UGP2: variants seen among roughly 807,000 people sequenced by gnomAD.
The protein encoded by UGP2 is UDP-glucose pyrophosphorylase 2, also known as UTP--glucose-1-phosphate uridylyltransferase.
Under a neutral mutation model 49.0 loss-of-function variants are expected in UGP2, and 40 were observed. The ratio of observed to expected loss-of-function variants is 0.82; its 90% CI spans 0.63 to 1.06. The LOEUF is 1.06. Among genes scored for constraint, UGP2 ranks in the 50% least tolerant of loss-of-function variants. The pLI is 0.00. For missense variants in UGP2, 460 were observed against 603.5 expected, an observed-to-expected ratio of 0.76 and a Z score of 2.49; for synonymous variants, 225 against 213.0, an observed-to-expected ratio of 1.06 and a Z score of -0.49.
At chr2:63,841,425 G>A (rs1346974943), upstream of UGP2, among the ~76,000 whole-genome samples, 4 of 152,110 alleles carry the variant, frequency 2.6e-5, no homozygotes, top group Non-Finnish European at 5.9e-5. Flanking sequence ...CTCCCGCGCC[G>A]GTGCACGGGT....
chr2:63,868,741 A>G (rs1428691068), intron 3 of UGP2, among the ~76,000 whole-genome samples: 1 of 152,066 alleles, frequency 6.6e-6, no homozygotes, highest in Non-Finnish European at 1.5e-5. Flanking sequence ...CACTTTGGGA[A>G]GCTGAGGCGG....
At chr2:63,883,524 G>A (rs551065477) in intron 4 of UGP2, 1 of 153,520 alleles carries the variant, frequency 6.5e-6, no homozygotes, top group Non-Finnish European at 1.4e-5. Flanking sequence ...CCATGTCTTT[G>A]TCACATTTAT....
chr2:63,856,990 G>C, intron 2 of UGP2: 1 of 371,358 alleles, frequency 2.7e-6, no homozygotes, highest in Non-Finnish European at 5.2e-6. Context: ...TTGAGAAGTA[G>C]AGAAAGATAT....
At chr2:63,861,698 A>C (rs1046431425) in intron 3 of UGP2, among the ~76,000 whole-genome samples, 18 of 151,602 alleles carry the variant, frequency 1.2e-4, no homozygotes, top group East Asian at 1.2e-3. Context: ...AAAAAAAAAA[A>C]AAAAACAAAA....
At chr2:63,881,159 A>G (rs1467883065) in intron 3 of UGP2, among the ~76,000 whole-genome samples, 1 of 152,230 alleles carries the variant, frequency 6.6e-6, no homozygotes, top group Non-Finnish European at 1.5e-5. Flanking sequence ...TGCAGGGTAG[A>G]AGAAATAAGA....
At chr2:63,880,450 G>T (rs1044906751) in intron 3 of UGP2, among the ~76,000 whole-genome samples, 1 of 152,064 alleles carries the variant, frequency 6.6e-6, no homozygotes, top group Non-Finnish European at 1.5e-5. Context: ...GTGAGCCACC[G>T]CATCCAGCCT....
chr2:63,862,176 G>A (rs1334851226), intron 3 of UGP2, among the ~76,000 whole-genome samples: 1 of 152,020 alleles, frequency 6.6e-6, no homozygotes, highest in Non-Finnish European at 1.5e-5. Flanking sequence ...CTTGTTTTGT[G>A]TGTATGTGGA....
Position 63,891,166 on chromosome 2 carries a change from CA to C in UGP2, c.1467del (p.Pro490LeufsTer5). ...AATCATGGTGACAGAATTGATATCCCACCTGGAGCAGTATTAGAGAACAAGA... is the reference window on the plus strand; with the variant it reads ...AATCATGGTGACAGAATTGATATCCCCCTGGAGCAGTATTAGAGAACAAGA... ...IANHGDRIDI[P>X]PGAVLENKIV... On this transcript the variant is annotated frameshift_variant, in exon 10 of 10. Transcript: ENST00000337130. LOFTEE classifies it high-confidence loss of function. 1.2e-6 allele frequency: 2 copies of C among 1,613,628 alleles called. No individual in the cohort carries two copies. Among genetic ancestry groups the C allele is most frequent in the Non-Finnish European group, 1.7e-6 (2 of 1,179,784 alleles).
intron 1 of UGP2, among the ~76,000 whole-genome samples, chr2:63,848,566 G>T (rs1203010572): frequency 1.3e-5 from 2 of 152,188 alleles, no homozygotes; most frequent in African/African-American, 4.8e-5. Context: ...GTTTCACCAT[G>T]TTGGCCAGGC....
At chr2:63,887,312 C>A in intron 7 of UGP2, 90 bp from the exon 8 acceptor site, 2 of 1,486,488 alleles carry the variant, frequency 1.3e-6, no homozygotes, top group Non-Finnish European at 1.8e-6. Context: ...TCTCTGAAAT[C>A]ACTTCCCAAA....
chr2:63,876,538 A>C (rs1670917169), intron 3 of UGP2, among the ~76,000 whole-genome samples: 1 of 152,232 alleles, frequency 6.6e-6, no homozygotes, highest in Admixed American at 6.5e-5. Context: ...TTCTGTGGTT[A>C]ACAAATTCCT....
At chr2:63,852,767 G>A (rs1490403864) in intron 1 of UGP2, among the ~76,000 whole-genome samples, 1 of 152,196 alleles carries the variant, frequency 6.6e-6, no homozygotes, top group East Asian at 1.9e-4. Context: ...CATTTAAGAA[G>A]TTTTGATATT....
chr2:63,874,882 G>A (rs556302825), intron 3 of UGP2, among the ~76,000 whole-genome samples: 14 of 151,952 alleles, frequency 9.2e-5, no homozygotes, highest in East Asian at 3.9e-4. Context: ...GGAAGATTCC[G>A]GAGGTGCTCA....
chr2:63,885,546 T>C, intron 5 of UGP2, 43 bp from the exon 6 acceptor site: 1 of 1,440,568 alleles, frequency 6.9e-7, no homozygotes, highest in South Asian at 1.6e-5. Flanking sequence ...CCTGAAATGC[T>C]CTACAGGGTC....
At chr2:63,868,059 A>G (rs1389523109) in intron 3 of UGP2, among the ~76,000 whole-genome samples, 1 of 152,240 alleles carries the variant, frequency 6.6e-6, no homozygotes, top group Admixed American at 6.5e-5. Context: ...ATGTAGAATT[A>G]CCTTTAACCA....
chr2:63,866,962 G>A (rs1201816883), intron 3 of UGP2, among the ~76,000 whole-genome samples: 3 of 152,048 alleles, frequency 2.0e-5, no homozygotes, highest in African/African-American at 7.2e-5. Flanking sequence ...TTACTGAAAT[G>A]GCTACTTTGA....
chr2:63,858,425 TTATATA>T lies in UGP2; in HGVS notation c.255+494_255+499del, dbSNP rs149386772. 4.2e-4 allele frequency among the ~76,000 whole-genome samples: 64 copies of T among 152,246 alleles called. No homozygotes were observed. The East Asian group carries it at 0.011, about 25-fold the overall frequency. ...CTCTTGTTTTTTCCTAATGAGAAAA[TTATATA>T]TATAGTTCCTAGTTAGAGGTACGTT... is the stretch of plus-strand genomic sequence containing the variant. On this transcript the variant is annotated intron_variant, in intron 3 of 9. Coordinates refer to ENST00000337130, the MANE Select transcript of UGP2 (RefSeq NM_006759.4).
intron 1 of UGP2, among the ~76,000 whole-genome samples, chr2:63,846,975 A>G (rs1671977893): frequency 6.6e-6 from 1 of 152,238 alleles, no homozygotes; most frequent in Non-Finnish European, 1.5e-5. Flanking sequence ...AAAGAAATTT[A>G]AAATGAAGAG....
In UGP2 at chr2:63,859,382, T is replaced by C. The variant is rs149107596; in HGVS notation, c.255+1446T>C. ...TTAACTTTTCGGAGACAGAGCCTAC[T>C]TGAAGGAAGGTACGCAGATTTATTA... On this transcript the variant is annotated intron_variant, in intron 3 of 9. Coordinates refer to ENST00000337130, the MANE Select transcript of UGP2 (RefSeq NM_006759.4). Among the ~76,000 whole-genome samples the C allele has an allele frequency of 1.8e-4, 28 of 152,272 alleles. No homozygotes were observed. The East Asian group carries it at 5.4e-3, about 29-fold the overall frequency.
Sources: allele counts gnomAD v4.1 joint callset (sites outside exome capture counted in the v4.1 genomes callset), GRCh38; gene constraint gnomAD v4.1.1; transcripts MANE v1.5; gene names NCBI Gene and HGNC (gene_info 2026-07-23, HGNC 2026-07-21).